Variants in RAB11FIP5 observed in about 807,000 individuals in gnomAD.
RAB11FIP5 encodes rab11 family-interacting protein 5.
In RAB11FIP5, 48 loss-of-function variants were observed where a neutral mutation model predicts 85.1. The observed-to-expected ratio is 0.56, with a 90% CI of 0.45 to 0.72. The LOEUF (loss-of-function observed/expected upper bound fraction) is 0.72. Among genes scored for constraint, RAB11FIP5 ranks in the 30% least tolerant of loss-of-function variants. The pLI is 0.00. For synonymous variants in RAB11FIP5, 729 were observed against 727.3 expected (o/e 1.00, Z -0.04); for missense variants, 1,491 against 1,687.0 (o/e 0.88, Z 2.04).
At chr2:73,091,934 G>A (rs1203316327) in intron 1 of RAB11FIP5, among the ~76,000 whole-genome samples, 4 of 152,160 alleles carry the variant, frequency 2.6e-5, no homozygotes, top group East Asian at 3.9e-4. Context: ...ATGCCCGAGC[G>A]GGTGCCTCTC....
intron 1 of RAB11FIP5, among the ~76,000 whole-genome samples, chr2:73,096,788 C>G (rs2106117392): frequency 6.6e-6 from 1 of 152,310 alleles, no homozygotes; most frequent in Admixed American, 6.5e-5. Context: ...CTCCCTCACT[C>G]AGCACCTTTT....
chr2:73,100,425 G>T (rs199897502), intron 1 of RAB11FIP5, among the ~76,000 whole-genome samples: 52 of 131,088 alleles, frequency 4.0e-4, no homozygotes, highest in Admixed American at 3.1e-3. Context: ...TTTGGTTGTG[G>T]TTTTTTTTTT....
intron 2 of RAB11FIP5, 37 bp downstream of exon 2, chr2:73,088,842 C>G (rs761164009): frequency 5.2e-6 from 8 of 1,536,586 alleles, no homozygotes; most frequent in Non-Finnish European, 7.0e-6. Flanking sequence ...AGAGCCAGTG[C>G]CCCCCTCCCC....
chr2:73,098,385 G>A (rs529357170), intron 1 of RAB11FIP5, among the ~76,000 whole-genome samples: 13 of 152,320 alleles, frequency 8.5e-5, no homozygotes, highest in Non-Finnish European at 1.5e-4. Context: ...AAACACTTCC[G>A]TCCCAAGCAT....
Position 73,076,189 on chromosome 2 carries a change from A to G in RAB11FIP5, c.3582-7T>C. On this transcript the variant is annotated splice_region_variant and splice_polypyrimidine_tract_variant and intron_variant, in intron 4 of 5. Transcript: ENST00000486777. ...GGGCTTCACGGGGTGGGGACTGCAA[A>G]GACATACAAGAGATGGGTTACACAG... 6.3e-7 allele frequency: 1 copy of G among 1,592,524 alleles called. No homozygotes were observed. The highest frequency in any genetic ancestry group is 8.6e-7 in the Non-Finnish European group (1 of 1,162,916).
At position 73,074,193 on chromosome 2, in the gene RAB11FIP5, T is replaced by A. The variant is rs1351589316; in HGVS notation, c.*1328A>T. The A allele has an allele frequency of 6.6e-6, 1 of 152,162 alleles. No individual in the cohort carries two copies. Among genetic ancestry groups the A allele is most frequent in the African/African-American group, 2.4e-5 (1 of 41,418 alleles). 9.4% of individuals were successfully genotyped at this position (152,162 alleles called of 1,614,324 possible). On this transcript the variant is annotated 3_prime_UTR_variant, in exon 6 of 6. Coordinates refer to ENST00000486777, the MANE Select transcript of RAB11FIP5 (RefSeq NM_001371272.1). Reference sequence around the variant, plus strand: ...GAAGGGACAGGCTGAGATAGCAGCTTAATGGATGGATGGGAGGACAACAAA... The same window carrying A: ...GAAGGGACAGGCTGAGATAGCAGCTAAATGGATGGATGGGAGGACAACAAA...
rs1683797875 is a variant in RAB11FIP5, at chr2:73,073,935, AGTG to A, written c.*1583_*1585del. On this transcript the variant is annotated 3_prime_UTR_variant, in exon 6 of 6. Coordinates refer to ENST00000486777, the MANE Select transcript of RAB11FIP5 (RefSeq NM_001371272.1). ...AAGCCCACAGGCCCTCTCCTGAAGA[AGTG>A]GTGGTCCCAGAGGAGCTCTTGCCTC... 1 of 152,200 alleles carries A rather than the reference AGTG, an allele frequency of 6.6e-6. No homozygotes were observed. The highest frequency in any genetic ancestry group is 1.5e-5 in the Non-Finnish European group (1 of 68,046). 9.4% of individuals were successfully genotyped at this position (152,200 alleles called of 1,614,324 possible).
chr2:73,090,268 C>T (rs1328613853), intron 1 of RAB11FIP5, among the ~76,000 whole-genome samples: 1 of 152,190 alleles, frequency 6.6e-6, no homozygotes, highest in Non-Finnish European at 1.5e-5. Context: ...CAGCCCCCAA[C>T]ACACATGGCC....
chr2:73,098,622 AT>A (rs1479936877), intron 1 of RAB11FIP5, among the ~76,000 whole-genome samples: 3 of 152,054 alleles, frequency 2.0e-5, no homozygotes, highest in Non-Finnish European at 2.9e-5. Flanking sequence ...CTTGACCACT[AT>A]ACTATGCTGC....
chr2:73,095,707 A>G (rs1194389298), intron 1 of RAB11FIP5, among the ~76,000 whole-genome samples: 3 of 152,208 alleles, frequency 2.0e-5, no homozygotes, highest in Non-Finnish European at 2.9e-5. Flanking sequence ...TTGAACATGA[A>G]AATGCCAGCC....
At chr2:73,088,796 T>A in intron 2 of RAB11FIP5, 47 bp from the exon 3 acceptor site, 1 of 1,538,944 alleles carries the variant, frequency 6.5e-7, no homozygotes, top group East Asian at 2.3e-5. Flanking sequence ...AGAGGCCCCA[T>A]TTCCTGGCCC....
intron 1 of RAB11FIP5, among the ~76,000 whole-genome samples, chr2:73,092,626 C>T (rs903162557): frequency 4.6e-5 from 7 of 152,172 alleles, no homozygotes; most frequent in African/African-American, 1.7e-4. Flanking sequence ...GCCTCTCTCC[C>T]CTATAAGGTC....
chr2:73,101,457 G>C (rs1684427852), intron 1 of RAB11FIP5, among the ~76,000 whole-genome samples: 1 of 152,142 alleles, frequency 6.6e-6, no homozygotes, highest in Non-Finnish European at 1.5e-5. Flanking sequence ...AGGAATTGTT[G>C]ATTTTGTGTG....
At position 73,089,395 on chromosome 2, in the gene RAB11FIP5, G is replaced by T; in HGVS notation, c.432-80C>A. The T allele has an allele frequency of 3.5e-6, 5 of 1,433,188 alleles. No homozygotes were observed. The highest frequency in any genetic ancestry group is 4.9e-6 in the Non-Finnish European group (5 of 1,026,614). The allele number at this position is 1,433,188 out of a possible 1,614,324, so 88.8% of individuals were successfully genotyped here. On this transcript the variant is annotated intron_variant, in intron 1 of 5. Coordinates refer to ENST00000486777, the MANE Select transcript of RAB11FIP5 (RefSeq NM_001371272.1). This position sits in a 1 kb window ranked among gnomAD's most constrained non-coding sequence, Gnocchi z 4.6. ...CCCGCCCGGTACCAGGCACTGCCCA[G>T]ACCCCTCCTTGCTCTGAGAGCCACT...
At chr2:73,077,434 T>A (rs1368097697) in intron 4 of RAB11FIP5, among the ~76,000 whole-genome samples, 4 of 152,058 alleles carry the variant, frequency 2.6e-5, no homozygotes, top group Non-Finnish European at 5.9e-5. Flanking sequence ...CTAAATCAGC[T>A]CCTCCATCTC....
chr2:73,105,493 G>A (rs776410040), intron 1 of RAB11FIP5, among the ~76,000 whole-genome samples: 3 of 151,950 alleles, frequency 2.0e-5, no homozygotes, highest in Admixed American at 1.3e-4. Flanking sequence ...TCCTCCTGAC[G>A]CGGCCTCCCA....
intron 3 of RAB11FIP5, among the ~76,000 whole-genome samples, chr2:73,085,772 G>A (rs931772898): frequency 6.6e-6 from 1 of 152,106 alleles, no homozygotes; most frequent in Non-Finnish European, 1.5e-5. Flanking sequence ...GTTCAGCCCC[G>A]GGCCTCTCTG....
Position 73,089,224 on chromosome 2 carries a change from C to G in RAB11FIP5, c.523G>C (p.Ala175Pro), listed in dbSNP as rs761374151. The change falls in exon 2 of 6, where the codon GCC becomes CCC. Residue 175 changes from alanine (A) to proline (P), a missense_variant. Physicochemically the swap from Ala to Pro is conservative, Grantham distance 27 (BLOSUM62 -1). This residue lies in a region of RAB11FIP5 where 1,211 missense variants were observed against 1,338.0 expected (regional missense o/e 0.91). Transcript: ENST00000486777. The surrounding 1 kb of genome is among the most constrained non-coding windows in gnomAD (Gnocchi z 4.6). ...TIQFTRNNLS[A>P]SMFDLSMKDK... ...TTCATGGACAGGTCAAACATACTGGCGCTCAGGTTGTTGCGCGTGAACTGG... is the reference window on the plus strand; with the variant it reads ...TTCATGGACAGGTCAAACATACTGGGGCTCAGGTTGTTGCGCGTGAACTGG... 6.2e-7 allele frequency: 1 copy of G among 1,614,160 alleles called. No homozygotes were observed. The highest frequency in any genetic ancestry group is 8.5e-7 in the Non-Finnish European group (1 of 1,180,028).
At chr2:73,108,982 T>G (rs772182425) in intron 1 of RAB11FIP5, among the ~76,000 whole-genome samples, 4 of 151,936 alleles carry the variant, frequency 2.6e-5, no homozygotes, top group Non-Finnish European at 4.4e-5. Context: ...AGGGAGAGAT[T>G]GCAAGTGAGC....
Sources: allele counts gnomAD v4.1 joint callset (sites outside exome capture counted in the v4.1 genomes callset), GRCh38; gene constraint gnomAD v4.1.1; regional missense constraint gnomAD v4.1.1; non-coding constraint Gnocchi (gnomAD v3.1); transcripts MANE v1.5; gene names NCBI Gene and HGNC (gene_info 2026-07-23, HGNC 2026-07-21).